Variants in GRM3 observed in about 807,000 individuals in gnomAD.
GRM3 encodes the protein glutamate metabotropic receptor 3.
Under a neutral mutation model 70.5 loss-of-function variants are expected in GRM3, and 26 were observed. The ratio of observed to expected loss-of-function variants is 0.37; its 90% CI spans 0.27 to 0.51. The LOEUF is 0.51. Ranked by LOEUF, GRM3 falls within the 20% of genes least tolerant of loss-of-function variation. The pLI is 0.93. For synonymous variants in GRM3, 443 were observed against 434.9 expected (o/e 1.02, Z -0.23); for missense variants, 859 against 1,123.8 (o/e 0.76, Z 3.37).
intron 3 of GRM3, among the ~76,000 whole-genome samples, chr7:86,824,024 A>G (rs1798182157): frequency 6.6e-6 from 1 of 152,180 alleles, no homozygotes; most frequent in South Asian, 2.1e-4. Context: ...CTCAGTCTGT[A>G]TAGCCTAGAG....
intron 5 of GRM3, among the ~76,000 whole-genome samples, chr7:86,853,061 A>G (rs925766571): frequency 6.6e-6 from 1 of 152,174 alleles, no homozygotes; most frequent in Non-Finnish European, 1.5e-5. Flanking sequence ...CACAGTAACG[A>G]ATAGGACGGA....
intron 3 of GRM3, among the ~76,000 whole-genome samples, chr7:86,828,111 C>CAAAAAAAAAAAAA (rs55645713): frequency 1.5e-5 from 1 of 68,304 alleles, no homozygotes; most frequent in Admixed American, 2.1e-4. Flanking sequence ...AACTCCGTAT[C>CAAAAAAAAAAAAA]AAAAAAAAAA....
chr7:86,829,548 C>T (rs1007781108), intron 3 of GRM3, among the ~76,000 whole-genome samples: 1 of 152,122 alleles, frequency 6.6e-6, no homozygotes, highest in Non-Finnish European at 1.5e-5. Context: ...TATAGACCAT[C>T]ATAAGGTCAT....
intron 1 of GRM3, among the ~76,000 whole-genome samples, chr7:86,647,390 T>C (rs563801481): frequency 1.4e-4 from 22 of 152,266 alleles, no homozygotes; most frequent in Admixed American, 1.4e-3. Context: ...TTTCCAATTG[T>C]TTTCCTGCAC....
At chr7:86,683,276 G>A (rs1162128363) in intron 1 of GRM3, among the ~76,000 whole-genome samples, 2 of 152,188 alleles carry the variant, frequency 1.3e-5, no homozygotes, top group Non-Finnish European at 2.9e-5. Flanking sequence ...GGATGGTCCT[G>A]CTCTTAACAT....
At chr7:86,763,866 G>A (rs555710515) in intron 1 of GRM3, among the ~76,000 whole-genome samples, 8 of 152,086 alleles carry the variant, frequency 5.3e-5, no homozygotes, top group Non-Finnish European at 8.8e-5. Flanking sequence ...CAGTGCTTTG[G>A]GGGGTGGTAG....
intron 2 of GRM3, among the ~76,000 whole-genome samples, chr7:86,785,215 A>G (rs1797194232): frequency 6.6e-6 from 1 of 152,260 alleles, no homozygotes; most frequent in African/African-American, 2.4e-5. Context: ...TTAAGTCAGT[A>G]TAGAGAAAGA....
intron 2 of GRM3, among the ~76,000 whole-genome samples, chr7:86,767,003 G>C (rs1239815959): frequency 1.3e-5 from 2 of 152,124 alleles, no homozygotes; most frequent in Admixed American, 6.6e-5. Context: ...CTGAGGTCAG[G>C]AGCTTGAGAC....
chr7:86,824,526 T>C (rs1036886912), intron 3 of GRM3, among the ~76,000 whole-genome samples: 1 of 152,122 alleles, frequency 6.6e-6, no homozygotes, highest in African/African-American at 2.4e-5. Context: ...TTTGTTTTGC[T>C]TGGGGCTACA....
At chr7:86,785,559 T>G (rs1270406280) in intron 2 of GRM3, among the ~76,000 whole-genome samples, 1 of 151,984 alleles carries the variant, frequency 6.6e-6, no homozygotes, top group Non-Finnish European at 1.5e-5. Context: ...ATTATTTCTT[T>G]TCACATAGTC....
intron 1 of GRM3, among the ~76,000 whole-genome samples, chr7:86,669,566 G>A (rs1044274371): frequency 1.3e-4 from 20 of 152,246 alleles, no homozygotes; most frequent in East Asian, 3.9e-4. Context: ...GTGAGTTCCT[G>A]TCTTCATTGT....
intron 2 of GRM3, among the ~76,000 whole-genome samples, chr7:86,778,337 C>T (rs752532009): frequency 3.2e-4 from 49 of 151,996 alleles, no homozygotes; most frequent in Non-Finnish European, 6.9e-4. Flanking sequence ...AATTCAGAAG[C>T]CAATAACTGT....
At position 86,772,886 on chromosome 7, in the gene GRM3, C is replaced by T. The variant is rs115920544; in HGVS notation, c.468+7273C>T. The stretch of plus-strand genomic sequence containing the variant: ...TTACAATTGTACATTTTTAGTATGC[C>T]TTTCTTGAAAAATTTCAACACAGTG... On this transcript the variant is annotated intron_variant, in intron 2 of 5. Transcript: ENST00000361669. Among the ~76,000 whole-genome samples, 1,323 of 152,074 alleles carry T rather than the reference C, an allele frequency of 8.7e-3. 19 individuals carry two copies. The highest frequency in any genetic ancestry group is 0.029 in the African/African-American group (1,216 of 41,486).
Position 86,672,643 on chromosome 7 carries a change from G to A in GRM3, c.-141+27771G>A, listed in dbSNP as rs545564174. ...GAGACCATGGCTGGCTCCCTTGTGG[G>A]GGAACACATCCGGTGTGTGTGAAAC... On this transcript the variant is annotated intron_variant, in intron 1 of 5. Coordinates refer to ENST00000361669, the MANE Select transcript of GRM3 (RefSeq NM_000840.3). Among the ~76,000 whole-genome samples the A allele has an allele frequency of 1.7e-3, 256 of 152,022 alleles. 1 individual carries two copies. The highest frequency in any genetic ancestry group is 5.7e-3 in the African/African-American group (236 of 41,464).
At chr7:86,739,056 C>A (rs553503017) in intron 1 of GRM3, among the ~76,000 whole-genome samples, 1 of 152,202 alleles carries the variant, frequency 6.6e-6, no homozygotes, top group Non-Finnish European at 1.5e-5. Flanking sequence ...TGGCTCCCTG[C>A]AACCTCTGCC....
intron 5 of GRM3, among the ~76,000 whole-genome samples, chr7:86,863,669 G>A (rs539392916): frequency 2.6e-5 from 4 of 152,056 alleles, no homozygotes; most frequent in East Asian, 1.9e-4. Flanking sequence ...GATGACTCAC[G>A]GACTATATAA....
intron 1 of GRM3, among the ~76,000 whole-genome samples, chr7:86,649,635 T>C (rs1241084933): frequency 3.3e-5 from 5 of 152,026 alleles, no homozygotes; most frequent in Admixed American, 1.3e-4. Context: ...AGGGTATAGA[T>C]ATCTAAACAG....
At chr7:86,739,380 G>T (rs1795934117) in intron 1 of GRM3, among the ~76,000 whole-genome samples, 1 of 152,116 alleles carries the variant, frequency 6.6e-6, no homozygotes, top group Non-Finnish European at 1.5e-5. Flanking sequence ...TAACCTTCCA[G>T]TAACCTTCTA....
chr7:86,652,207 G>T (rs992013338), intron 1 of GRM3, among the ~76,000 whole-genome samples: 33 of 141,604 alleles, frequency 2.3e-4, no homozygotes, highest in South Asian at 2.5e-4. Flanking sequence ...AGATTGAGGT[G>T]TTAGAGTGCT....
Sources: gnomAD v4.1 joint callset for allele counts (sites outside exome capture counted in the v4.1 genomes callset) on GRCh38, gnomAD v4.1.1 for gene constraint, MANE v1.5 for transcripts, NCBI Gene and HGNC (gene_info 2026-07-23, HGNC 2026-07-21) for gene names.